KLHL1: variants seen among roughly 807,000 people sequenced by gnomAD.
KLHL1 encodes kelch-like protein 1.
KLHL1 carries 47 observed loss-of-function variants against 77.7 expected under a neutral mutation model. The ratio of observed to expected loss-of-function variants is 0.60; its 90% CI spans 0.48 to 0.77. The LOEUF is 0.77. KLHL1 is among the 30% of genes least tolerant of loss of function. The pLI is 0.00. For missense variants in KLHL1, 925 were observed against 910.8 expected, an observed-to-expected ratio of 1.02 and a Z score of -0.20; for synonymous variants, 360 against 325.2, an observed-to-expected ratio of 1.11 and a Z score of -1.15.
intron 1 of KLHL1, among the ~76,000 whole-genome samples, chr13:70,096,832 G>C (rs1424879445): frequency 1.3e-5 from 2 of 151,896 alleles, no homozygotes; most frequent in Non-Finnish European, 2.9e-5. Flanking sequence ...TGCAGGGAAA[G>C]CATAGAGGGA....
At chr13:69,993,137 TCAATAGGAATAACACTA>T (rs1885066896) in intron 1 of KLHL1, among the ~76,000 whole-genome samples, 6 of 152,000 alleles carry the variant, frequency 3.9e-5, no homozygotes, top group Admixed American at 3.9e-4. Flanking sequence ...CCTATTGACT[TCAATAGGAATAACACTA>T]CGTTCTAGAG....
intron 1 of KLHL1, among the ~76,000 whole-genome samples, chr13:70,055,814 C>T (rs1045757628): frequency 4.0e-5 from 6 of 151,400 alleles, no homozygotes; most frequent in Admixed American, 6.6e-5. Context: ...AATAAGTTAC[C>T]GCAAGTGCAC....
At chr13:69,851,415 C>G (rs569133554) in intron 5 of KLHL1, among the ~76,000 whole-genome samples, 3 of 151,608 alleles carry the variant, frequency 2.0e-5, no homozygotes, top group African/African-American at 7.3e-5. Context: ...AAAGAAAGTA[C>G]GTTGCACATT....
intron 4 of KLHL1, among the ~76,000 whole-genome samples, chr13:69,917,536 G>A (rs1409901148): frequency 6.6e-6 from 1 of 152,076 alleles, no homozygotes; most frequent in Non-Finnish European, 1.5e-5. Flanking sequence ...AACCCTTGGA[G>A]GAATGGTTGA....
chr13:69,744,126 C>T (rs995980206), intron 7 of KLHL1, among the ~76,000 whole-genome samples: 1 of 151,976 alleles, frequency 6.6e-6, no homozygotes, highest in Non-Finnish European at 1.5e-5. Flanking sequence ...TAGGAAGATA[C>T]TATGAAGAGA....
chr13:70,051,276 A>C (rs549823896), intron 1 of KLHL1, among the ~76,000 whole-genome samples: 2 of 152,148 alleles, frequency 1.3e-5, no homozygotes, highest in South Asian at 4.1e-4. Context: ...CAAAAACCTC[A>C]CAGGATGACC....
At chr13:69,890,492 T>TTCAG (rs1299363987) in intron 4 of KLHL1, among the ~76,000 whole-genome samples, 1 of 152,084 alleles carries the variant, frequency 6.6e-6, no homozygotes, top group African/African-American at 2.4e-5. Flanking sequence ...GAAGCCCTTA[T>TTCAG]CACTGCTGAA....
At chr13:69,775,135 A>G (rs1234905245) in intron 7 of KLHL1, among the ~76,000 whole-genome samples, 1 of 152,196 alleles carries the variant, frequency 6.6e-6, no homozygotes, top group Non-Finnish European at 1.5e-5. Flanking sequence ...ACTAATAGAT[A>G]AGACACTACT....
intron 1 of KLHL1, among the ~76,000 whole-genome samples, chr13:70,059,525 G>C (rs1052103230): frequency 1.3e-5 from 2 of 152,146 alleles, no homozygotes; most frequent in Non-Finnish European, 2.9e-5. Flanking sequence ...AGCAAAAATG[G>C]AGAAATGGGA....
At chr13:69,780,721 T>TATATATACAC (rs1876125083) in intron 7 of KLHL1, among the ~76,000 whole-genome samples, 1 of 62,852 alleles carries the variant, frequency 1.6e-5, no homozygotes, top group African/African-American at 6.9e-5. Flanking sequence ...TATATGTATA[T>TATATATACAC]ATATATATAT....
Position 69,929,999 on chromosome 13 carries a change from T to C in KLHL1, c.1014+10041A>G, listed in dbSNP as rs546564456. The stretch of plus-strand genomic sequence containing the variant: ...GCTCGCTCCAGCTGATTTGGGAAGT[T>C]GGTAAATTTTTCAGCTGTTAAGATA... On this transcript the variant is annotated intron_variant, in intron 4 of 10. Transcript: ENST00000377844. 1.3e-3 allele frequency among the ~76,000 whole-genome samples: 202 copies of C among 152,004 alleles called. 1 individual carries two copies. Among genetic ancestry groups the C allele is most frequent in the African/African-American group, 4.3e-3 (179 of 41,552 alleles).
At chr13:69,970,188 GGT>G (rs1884339540) in intron 2 of KLHL1, among the ~76,000 whole-genome samples, 3 of 151,904 alleles carry the variant, frequency 2.0e-5, no homozygotes, top group African/African-American at 7.3e-5. Flanking sequence ...CTATTTTTAC[GGT>G]GGTTGTAAAC....
At chr13:69,952,950 T>A (rs1187954417) in intron 3 of KLHL1, among the ~76,000 whole-genome samples, 2 of 151,314 alleles carry the variant, frequency 1.3e-5, no homozygotes, top group Non-Finnish European at 3.0e-5. Flanking sequence ...TAACAAATAG[T>A]CAAAACTGAA....
At chr13:69,740,646 G>T in intron 7 of KLHL1, 90 bp from the exon 8 acceptor site, 3 of 892,712 alleles carry the variant, frequency 3.4e-6, no homozygotes, top group Non-Finnish European at 3.3e-6. Context: ...CTCATGTTAA[G>T]TGTCCCTAAC....
chr13:69,769,924 C>T lies in KLHL1; in HGVS notation c.1639+26814G>A, dbSNP rs182691867. Among the ~76,000 whole-genome samples, 166 of 152,176 alleles carry T rather than the reference C, an allele frequency of 1.1e-3. 2 individuals are homozygous for T. Among genetic ancestry groups the T allele is most frequent in the Non-Finnish European group, 1.8e-3 (121 of 68,020 alleles). On this transcript the variant is annotated intron_variant, in intron 7 of 10. Coordinates refer to ENST00000377844, the MANE Select transcript of KLHL1 (RefSeq NM_020866.3). ...CTTAGCTGGCTTGCCAAGCTGTGGG[C>T]GGTGACATGCTCCTGTTTGCCAGAC... is the stretch of plus-strand genomic sequence containing the variant.
At chr13:69,747,070 G>C (rs544476646) in intron 7 of KLHL1, among the ~76,000 whole-genome samples, 2 of 152,156 alleles carry the variant, frequency 1.3e-5, no homozygotes, top group South Asian at 4.1e-4. Flanking sequence ...AACAAATGTT[G>C]AGTTAATCTT....
chr13:69,937,645 C>A (rs373620246), intron 4 of KLHL1, among the ~76,000 whole-genome samples: 28 of 152,200 alleles, frequency 1.8e-4, no homozygotes, highest in African/African-American at 6.7e-4. Context: ...TTTTACACTT[C>A]TACCTGATGC....
rs536444700 is a variant in KLHL1, at chr13:70,009,018, A to G, written c.498-33216T>C. On this transcript the variant is annotated intron_variant, in intron 1 of 10. Transcript: ENST00000377844. ...ATATGATGCTTCAATAAAAGTAAAG[A>G]TGAGATTATAACATTCACTACTTTT... Among the ~76,000 whole-genome samples, 15 of 152,260 alleles carry G rather than the reference A, an allele frequency of 9.9e-5. No individual in the cohort carries two copies. In the South Asian group the frequency reaches 2.3e-3, roughly 23 times the overall value.
intron 5 of KLHL1, among the ~76,000 whole-genome samples, chr13:69,855,865 T>C (rs969388422): frequency 1.8e-5 from 2 of 111,238 alleles, no homozygotes; most frequent in African/African-American, 3.2e-5. Flanking sequence ...ATATAATATA[T>C]TATATATTAT....
Sources: allele counts gnomAD v4.1 joint callset (sites outside exome capture counted in the v4.1 genomes callset), GRCh38; gene constraint gnomAD v4.1.1; transcripts MANE v1.5; gene names NCBI Gene and HGNC (gene_info 2026-07-23, HGNC 2026-07-21).